Variants in ARHGAP6 observed in about 807,000 individuals in gnomAD.
ARHGAP6 encodes Rho GTPase activating protein 6.
Under a neutral mutation model 55.7 loss-of-function variants are expected in ARHGAP6, and 16 were observed. That is an observed-to-expected ratio of 0.29 (90% CI 0.19 to 0.44). The LOEUF is 0.44. ARHGAP6 is among the 20% of genes least tolerant of loss of function. The pLI is 1.00. For synonymous variants in ARHGAP6, 382 were observed against 360.9 expected, an observed-to-expected ratio of 1.06 and a Z score of -0.66; for missense variants, 698 against 808.9, an observed-to-expected ratio of 0.86 and a Z score of 1.66.
At chrX:11,371,908 T>C (rs902357026) in intron 1 of ARHGAP6, among the ~76,000 whole-genome samples, 8 of 112,593 alleles carry the variant, frequency 7.1e-5, no homozygotes, top group Non-Finnish European at 1.5e-4. Flanking sequence ...CATTTTAATC[T>C]AGATTTAATG....
At chrX:11,158,897 G>A (rs1013330861) in intron 9 of ARHGAP6, among the ~76,000 whole-genome samples, 5 of 112,224 alleles carry the variant, frequency 4.5e-5, no homozygotes, top group African/African-American at 6.5e-5. Context: ...TAACAAATAT[G>A]GAAAGACGGG....
chrX:11,349,704 C>T (rs2048834623), intron 1 of ARHGAP6, among the ~76,000 whole-genome samples: 1 of 111,870 alleles, frequency 8.9e-6, no homozygotes, highest in South Asian at 3.7e-4. Flanking sequence ...GGTAAGGAGA[C>T]CCAATACCCC....
rs183467226 is a variant in ARHGAP6 at position 11,596,319 on chromosome X, A to G, written c.588+67922T>C. ...CCATCACTCTCAGCAAACTACCACA[A>G]GAACAGAAAACCAAACATCGCATGT... On this transcript the variant is annotated intron_variant, in intron 1 of 12. Transcript: ENST00000337414. 3.9e-3 allele frequency among the ~76,000 whole-genome samples: 431 copies of G among 111,872 alleles called. 1 individual carries two copies. The highest frequency in any genetic ancestry group is 0.012 in the African/African-American group (383 of 30,779).
At chrX:11,161,615 A>G (rs1396766048) in intron 9 of ARHGAP6, among the ~76,000 whole-genome samples, 1 of 112,001 alleles carries the variant, frequency 8.9e-6, no homozygotes, top group Admixed American at 9.5e-5. Context: ...AAAATAGATT[A>G]CCAATTGCAA....
At chrX:11,251,129 C>T (rs1280264378) in intron 2 of ARHGAP6, among the ~76,000 whole-genome samples, 1 of 111,571 alleles carries the variant, frequency 9.0e-6, no homozygotes, top group Admixed American at 9.5e-5. Flanking sequence ...ACATTGCTGG[C>T]CCGTTAGCTG....
At position 11,254,542 on chromosome X, in the gene ARHGAP6, C is replaced by T. The variant is rs1330513606; in HGVS notation, c.748+6G>A. ...TTCCCCGGCAGAAAGGCAGAAGAGG[C>T]CTTACCTTTGGGAATGGTGATCTGA... On this transcript the variant is annotated splice_donor_region_variant and intron_variant, in intron 2 of 12. Coordinates refer to ENST00000337414, the MANE Select transcript of ARHGAP6 (RefSeq NM_013427.3). The T allele has an allele frequency of 8.3e-7, 1 of 1,205,333 alleles. No individual in the cohort carries two copies. The highest frequency in any genetic ancestry group is 1.8e-5 in the African/African-American group (1 of 56,445).
chrX:11,490,978 A>C, intron 1 of ARHGAP6, among the ~76,000 whole-genome samples: 1 of 112,192 alleles, frequency 8.9e-6, no homozygotes, highest in Non-Finnish European at 1.9e-5. Context: ...GGTGAGAATG[A>C]AGCAGTCAAG....
intron 12 of ARHGAP6, among the ~76,000 whole-genome samples, chrX:11,141,550 T>G (rs1368574046): frequency 8.9e-6 from 1 of 112,265 alleles, no homozygotes; most frequent in African/African-American, 3.2e-5. Context: ...AGGAAAGAAA[T>G]GCAAATCAAA....
chrX:11,408,456 C>G (rs775099619), intron 1 of ARHGAP6, among the ~76,000 whole-genome samples: 12 of 111,702 alleles, frequency 1.1e-4, no homozygotes, highest in Non-Finnish European at 9.4e-5. Context: ...TCCATGTACA[C>G]AGTTTCCTCT....
At chrX:11,342,200 A>G (rs935129287) in intron 1 of ARHGAP6, among the ~76,000 whole-genome samples, 1 of 111,814 alleles carries the variant, frequency 8.9e-6, no homozygotes, top group Non-Finnish European at 1.9e-5. Context: ...TACATTTTTT[A>G]ATCCTTAGAT....
chrX:11,216,256 T>C (rs188524791), intron 2 of ARHGAP6, among the ~76,000 whole-genome samples: 2 of 110,813 alleles, frequency 1.8e-5, no homozygotes, highest in East Asian at 5.6e-4. Flanking sequence ...ACTCCAGCAA[T>C]TGATAAGCAG....
intron 1 of ARHGAP6, among the ~76,000 whole-genome samples, chrX:11,322,084 T>G (rs1042325336): frequency 7.1e-5 from 8 of 112,365 alleles, no homozygotes; most frequent in African/African-American, 2.6e-4. Context: ...GTCCCAAATC[T>G]GAAGAACATC....
chrX:11,374,306 A>G (rs1486154184), intron 1 of ARHGAP6, among the ~76,000 whole-genome samples: 1 of 111,901 alleles, frequency 8.9e-6, no homozygotes, highest in African/African-American at 3.2e-5. Context: ...ACTCCCTCTC[A>G]GGTGGGCTCT....
chrX:11,617,019 G>A (rs1357038800), intron 1 of ARHGAP6, among the ~76,000 whole-genome samples: 1 of 112,060 alleles, frequency 8.9e-6, no homozygotes, highest in Non-Finnish European at 1.9e-5. Flanking sequence ...CTTGGCTACA[G>A]AGTTGTGCTT....
At chrX:11,519,108 T>C (rs1409708493) in intron 1 of ARHGAP6, among the ~76,000 whole-genome samples, 3 of 95,176 alleles carry the variant, frequency 3.2e-5, no homozygotes, top group African/African-American at 1.2e-4. Flanking sequence ...TGTGCATGTG[T>C]CTTTATAGCA....
intron 1 of ARHGAP6, among the ~76,000 whole-genome samples, chrX:11,306,716 T>C (rs894437640): frequency 2.7e-5 from 3 of 112,406 alleles, no homozygotes; most frequent in Admixed American, 9.4e-5. Flanking sequence ...AATTAAACAA[T>C]CTATAGCTAT....
intron 1 of ARHGAP6, among the ~76,000 whole-genome samples, chrX:11,508,686 C>T (rs893090219): frequency 6.4e-5 from 7 of 109,674 alleles, no homozygotes; most frequent in African/African-American, 2.3e-4. Flanking sequence ...CTCCAGTCTT[C>T]CACTGTATGC....
chrX:11,263,299 C>A (rs1352430097), intron 1 of ARHGAP6, among the ~76,000 whole-genome samples: 1 of 111,387 alleles, frequency 9.0e-6, no homozygotes, highest in Non-Finnish European at 1.9e-5. Flanking sequence ...ATCCTGAGTA[C>A]AAGTTACCCA....
intron 1 of ARHGAP6, among the ~76,000 whole-genome samples, chrX:11,265,008 C>T (rs1454102828): frequency 8.9e-6 from 1 of 112,125 alleles, no homozygotes; most frequent in Non-Finnish European, 1.9e-5. Context: ...AATTTAGACT[C>T]ATAACCACTA....
Sources: allele counts gnomAD v4.1 joint callset (sites outside exome capture counted in the v4.1 genomes callset), GRCh38; gene constraint gnomAD v4.1.1; transcripts MANE v1.5; gene names NCBI Gene and HGNC (gene_info 2026-07-23, HGNC 2026-07-21).